RPRD2: variants seen among roughly 807,000 people sequenced by gnomAD.
The protein encoded by RPRD2 is regulation of nuclear pre-mRNA domain containing 2.
RPRD2 carries 12 observed loss-of-function variants against 104.4 expected under a neutral mutation model. The observed-to-expected ratio is 0.11, with a 90% confidence interval of 0.07 to 0.19. The LOEUF is 0.19. Ranked by LOEUF, RPRD2 falls within the 10% of genes least tolerant of loss-of-function variation. RPRD2 has a pLI of 1.00. For synonymous variants in RPRD2, 714 were observed against 684.9 expected (o/e 1.04, Z -0.66); for missense variants, 1,543 against 1,790.1 (o/e 0.86, Z 2.49).
intron 1 of RPRD2, among the ~76,000 whole-genome samples, chr1:150,411,107 T>A (rs1663859040): frequency 6.6e-6 from 1 of 152,206 alleles, no homozygotes; most frequent in South Asian, 2.1e-4. Context: ...GGTGAGGATG[T>A]AAGTTAATAT....
intron 1 of RPRD2, among the ~76,000 whole-genome samples, chr1:150,370,592 T>TTTTTG (rs1660227775): frequency 8.9e-6 from 1 of 112,750 alleles, no homozygotes; most frequent in Non-Finnish European, 1.8e-5. Flanking sequence ...TTTTTTTTTT[T>TTTTTG]GAGACATATT....
At chr1:150,390,210 C>T (rs1481869448) in intron 1 of RPRD2, among the ~76,000 whole-genome samples, 1 of 152,076 alleles carries the variant, frequency 6.6e-6, no homozygotes, top group East Asian at 1.9e-4. Flanking sequence ...TATAAAACAA[C>T]TGACCAGGCA....
chr1:150,468,024 T>C (rs1417247551), intron 10 of RPRD2, among the ~76,000 whole-genome samples: 2 of 151,046 alleles, frequency 1.3e-5, no homozygotes, highest in African/African-American at 4.9e-5. Flanking sequence ...TAGCTGGGCG[T>C]GGTGGCTCAC....
intron 1 of RPRD2, among the ~76,000 whole-genome samples, chr1:150,399,510 A>G (rs1249696246): frequency 6.6e-6 from 1 of 152,058 alleles, no homozygotes; most frequent in African/African-American, 2.4e-5. Flanking sequence ...TAATCCCAGC[A>G]TTTTGGGAGG....
chr1:150,370,522 G>T (rs1660220845), intron 1 of RPRD2, among the ~76,000 whole-genome samples: 1 of 149,338 alleles, frequency 6.7e-6, no homozygotes, highest in Admixed American at 6.7e-5. Flanking sequence ...ATGCTTTGAA[G>T]AACTAGGAGG....
chr1:150,459,500 T>C (rs1553898304), intron 8 of RPRD2, among the ~76,000 whole-genome samples: 1 of 152,116 alleles, frequency 6.6e-6, no homozygotes. Context: ...ATAACATGCT[T>C]CTTGAATTGT....
chr1:150,462,298 C>T (rs1403687932), intron 9 of RPRD2, among the ~76,000 whole-genome samples: 3 of 151,354 alleles, frequency 2.0e-5, no homozygotes, highest in African/African-American at 4.8e-5. Flanking sequence ...AGAAAAAATT[C>T]GCCAGCTGTG....
chr1:150,377,261 C>A (rs1179443124), intron 1 of RPRD2, among the ~76,000 whole-genome samples: 3 of 151,262 alleles, frequency 2.0e-5, no homozygotes, highest in Admixed American at 6.6e-5. Flanking sequence ...TCTATGTAAA[C>A]CCCTGTATTG....
chr1:150,421,750 G>A (rs1390620460), intron 2 of RPRD2, among the ~76,000 whole-genome samples: 4 of 152,050 alleles, frequency 2.6e-5, no homozygotes, highest in Admixed American at 6.6e-5. Context: ...GCTGAAGTGG[G>A]AGGATCACTT....
intron 1 of RPRD2, among the ~76,000 whole-genome samples, chr1:150,385,068 A>G (rs1211234798): frequency 1.3e-5 from 2 of 152,140 alleles, no homozygotes; most frequent in Non-Finnish European, 2.9e-5. Context: ...GCTACAATAA[A>G]TGGTGATTGT....
intron 2 of RPRD2, among the ~76,000 whole-genome samples, chr1:150,421,624 C>G (rs147686468): frequency 1.3e-4 from 20 of 152,138 alleles, no homozygotes; most frequent in African/African-American, 4.8e-4. Flanking sequence ...ACAGAATATA[C>G]TCTTGCTTAT....
intron 1 of RPRD2, among the ~76,000 whole-genome samples, chr1:150,377,326 C>T (rs1159393763): frequency 2.6e-5 from 4 of 151,994 alleles, no homozygotes; most frequent in Non-Finnish European, 4.4e-5. Context: ...ATGGGCCGGG[C>T]GCGGTGGCTC....
chr1:150,462,619 C>T (rs1165038371), intron 9 of RPRD2, among the ~76,000 whole-genome samples: 1 of 151,932 alleles, frequency 6.6e-6, no homozygotes, highest in South Asian at 2.1e-4. Flanking sequence ...TGCAGTGGCG[C>T]GATCTCAGCT....
At chr1:150,367,798 C>G (rs911733097) in intron 1 of RPRD2, among the ~76,000 whole-genome samples, 2 of 151,880 alleles carry the variant, frequency 1.3e-5, no homozygotes, top group Admixed American at 6.6e-5. Context: ...TCTCAGCTCA[C>G]TGCAACCTCC....
chr1:150,396,511 T>C (rs1424131909), intron 1 of RPRD2, among the ~76,000 whole-genome samples: 2 of 152,228 alleles, frequency 1.3e-5, no homozygotes, highest in East Asian at 1.9e-4. Context: ...CCTTGATCCA[T>C]GTTGAGTTAA....
At chr1:150,414,633 C>T (rs1664201049) in intron 1 of RPRD2, among the ~76,000 whole-genome samples, 1 of 150,838 alleles carries the variant, frequency 6.6e-6, no homozygotes, top group Non-Finnish European at 1.5e-5. Flanking sequence ...ACAGATTATT[C>T]TGCGCGCCAA....
At chr1:150,462,234 A>G (rs587632272) in intron 9 of RPRD2, among the ~76,000 whole-genome samples, 28 of 152,134 alleles carry the variant, frequency 1.8e-4, no homozygotes, top group African/African-American at 6.5e-4. Flanking sequence ...GTGAGCCAAG[A>G]TCACGCCACT....
intron 2 of RPRD2, among the ~76,000 whole-genome samples, chr1:150,435,819 T>C (rs1665950099): frequency 6.6e-6 from 1 of 152,232 alleles, no homozygotes. Flanking sequence ...CAGCAGATTT[T>C]CAAGGTAGAT....
chr1:150,417,694 G>C lies in RPRD2; in HGVS notation c.304G>C (p.Asp102His). The change falls in exon 2 of 11, where the codon GAT (aspartate) becomes CAT (histidine). Residue 102 changes from aspartate (D) to histidine (H), a missense_variant. This residue lies in a region of RPRD2 where 572 missense variants were observed against 787.3 expected (regional missense o/e 0.73). Coordinates refer to ENST00000369068, the MANE Select transcript of RPRD2 (RefSeq NM_015203.5). ...AATCATATTCCGTGAATCATTTGCT[G>C]ATGTACTTCCTGAAGCAGCTGCTCT... ...NAIIFRESFADVLPEAAALVK... is the reference protein window; with the variant it reads ...NAIIFRESFAHVLPEAAALVK... The C allele has an allele frequency of 6.2e-7, 1 of 1,606,948 alleles. No individual in the cohort carries two copies. The highest frequency in any genetic ancestry group is 8.5e-7 in the Non-Finnish European group (1 of 1,175,190).
Sources: gnomAD v4.1 joint callset for allele counts (sites outside exome capture counted in the v4.1 genomes callset) on GRCh38, gnomAD v4.1.1 for gene constraint, gnomAD v4.1.1 regional missense constraint, MANE v1.5 for transcripts, NCBI Gene and HGNC (gene_info 2026-07-23, HGNC 2026-07-21) for gene names.